Variants in UBA2 observed in about 807,000 individuals in gnomAD.
The protein encoded by UBA2 is SUMO-activating enzyme subunit 2.
In UBA2, 11 loss-of-function variants were observed where a neutral mutation model predicts 77.2. The observed-to-expected ratio is 0.14, with a 90% CI of 0.09 to 0.24. The LOEUF is 0.24. Ranked by LOEUF, UBA2 falls within the 10% of genes least tolerant of loss-of-function variation. The pLI, the probability that UBA2 is intolerant of heterozygous loss-of-function variation, is 1.00. For synonymous variants in UBA2, 278 were observed against 276.7 expected (o/e 1.00, Z -0.05); for missense variants, 487 against 781.7 (o/e 0.62, Z 4.50).
At chr19:34,449,772 T>C (rs1246967268) in intron 8 of UBA2, among the ~76,000 whole-genome samples, 1 of 152,194 alleles carries the variant, frequency 6.6e-6, no homozygotes, top group African/African-American at 2.4e-5. Context: ...ATTTTAAAGA[T>C]ATCGCAGTTC....
chr19:34,460,810 T>C (rs2075622860), intron 14 of UBA2, among the ~76,000 whole-genome samples: 1 of 152,196 alleles, frequency 6.6e-6, no homozygotes, highest in East Asian at 1.9e-4. Context: ...TCCTTGCCGA[T>C]ATCATGGATC....
At chr19:34,452,661 T>C (rs747394011) in intron 10 of UBA2, among the ~76,000 whole-genome samples, 36 of 152,230 alleles carry the variant, frequency 2.4e-4, no homozygotes, top group Non-Finnish European at 4.1e-4. Flanking sequence ...TGAGATTTGA[T>C]ATTATGAACT....
Position 34,452,067 on chromosome 19 carries a change from C to T in UBA2, c.958C>T (p.Arg320Cys), listed in dbSNP as rs1176664885. ...QQVLDVKSYA[R>C]LFSKSIETLR... is the part of the protein sequence containing the mutation. ...GGTTCTAGATGTAAAGAGCTATGCA[C>T]GTCTTTTTTCAAAGAGCATCGAGAC... Residue 320 changes from arginine (R) to cysteine (C), a missense_variant, in exon 10 of 17, where the codon CGT becomes TGT. Transcript: ENST00000246548. 8.1e-6 allele frequency: 13 copies of T among 1,610,744 alleles called. No individual in the cohort carries two copies. The highest frequency in any genetic ancestry group is 4.5e-5 in the East Asian group (2 of 44,826).
chr19:34,469,172 C>T lies in UBA2; in HGVS notation c.1874C>T (p.Ser625Leu). The T allele has an allele frequency of 4.3e-6, 7 of 1,612,870 alleles. No homozygotes were observed. The highest frequency in any genetic ancestry group is 5.9e-6 in the Non-Finnish European group (7 of 1,179,642). The stretch of plus-strand genomic sequence containing the variant: ...AAAGAGAATCTCAGTGCAAAGAGGT[C>T]ACGTATAGAACAGAAGGAAGAGCTT... ...DEKENLSAKR[S>L]RIEQKEELDD... Residue 625 changes from serine to leucine, a missense_variant, in exon 17 of 17, where the codon TCA becomes TTA. By Grantham distance (145) the Ser-to-Leu change is moderately radical. Around this residue, in one of 9 missense-constraint regions of UBA2, gnomAD observed 12 missense variants for 35.3 expected, o/e 0.34. Transcript: ENST00000246548.
intron 14 of UBA2, among the ~76,000 whole-genome samples, chr19:34,461,049 G>C (rs1189420285): frequency 6.6e-6 from 1 of 152,136 alleles, no homozygotes; most frequent in Non-Finnish European, 1.5e-5. Context: ...GCTATACAAG[G>C]TACAATACAT....
chr19:34,434,737 T>C, intron 4 of UBA2, 131 bp from the exon 5 acceptor site: 1 of 661,230 alleles, frequency 1.5e-6, no homozygotes, highest in Non-Finnish European at 2.7e-6. Flanking sequence ...AGTTGTATTA[T>C]TCTGGCCATA....
At chr19:34,434,745 A>T in intron 4 of UBA2, 123 bp from the exon 5 acceptor site, 1 of 702,840 alleles carries the variant, frequency 1.4e-6, no homozygotes, top group Non-Finnish European at 2.5e-6. Flanking sequence ...TATTCTGGCC[A>T]TAGCTATAAG....
chr19:34,428,463 C>G lies in UBA2; in HGVS notation c.31C>G (p.Leu11Val), dbSNP rs979110681. 3.1e-6 allele frequency: 4 copies of G among 1,286,482 alleles called. No homozygotes were observed. The highest frequency in any genetic ancestry group is 4.0e-6 in the Non-Finnish European group (4 of 1,012,072). The allele number at this position is 1,286,482 out of a possible 1,614,324, so 79.7% of individuals were successfully genotyped here. The change falls in exon 1 of 17, where the codon CTG becomes GTG. Residue 11 changes from leucine (L) to valine (V), a missense_variant. Physicochemically the swap from Leu to Val is conservative, Grantham distance 32. This residue lies in a region of UBA2 where 30 missense variants were observed against 27.4 expected (regional missense o/e 1.09). Transcript: ENST00000246548. ...ACTGTCGCGGGGGCTGCCCCGGGAG[C>G]TGGCTGAGGCGGTGGCCGGGGGCCG... MALSRGLPRE[L>V]AEAVAGGRVL... is the part of the protein sequence containing the mutation.
At chr19:34,465,905 CGT>C (rs1434277437) in intron 15 of UBA2, among the ~76,000 whole-genome samples, 1 of 152,090 alleles carries the variant, frequency 6.6e-6, no homozygotes, top group East Asian at 1.9e-4. Flanking sequence ...CCCCTTAAAA[CGT>C]GTGTCTTTTG....
intron 6 of UBA2, among the ~76,000 whole-genome samples, chr19:34,440,786 CATG>C (rs1245206475): frequency 6.6e-6 from 1 of 151,950 alleles, no homozygotes; most frequent in Non-Finnish European, 1.5e-5. Flanking sequence ...ATTAGCCGGA[CATG>C]GTGGTGGGCG....
In UBA2 at chr19:34,466,921, G is replaced by T; in HGVS notation, c.1648G>T (p.Ala550Ser). ...KDVEFEVVGDAPEKVGPKQAE... is the reference protein window; with the variant it reads ...KDVEFEVVGDSPEKVGPKQAE... The stretch of plus-strand genomic sequence containing the variant: ...CGTTGAATTTGAAGTTGTTGGTGAT[G>T]CCCCGGAAAAAGTGGGGCCCAAACA... Residue 550 changes from alanine (A) to serine (S), a missense_variant, in exon 16 of 17, where the codon GCC becomes TCC. By Grantham distance (99) the Ala-to-Ser change is moderately conservative. Coordinates refer to ENST00000246548, the MANE Select transcript of UBA2 (RefSeq NM_005499.3). The T allele has an allele frequency of 6.2e-7, 1 of 1,613,772 alleles. No individual in the cohort carries two copies. Among genetic ancestry groups the T allele is most frequent in the Admixed American group, 1.7e-5 (1 of 60,002 alleles).
In UBA2 at chr19:34,437,581, A is replaced by C. The variant is rs541930236; in HGVS notation, c.460-1064A>C. On this transcript the variant is annotated intron_variant, in intron 5 of 16. Coordinates refer to ENST00000246548, the MANE Select transcript of UBA2 (RefSeq NM_005499.3). Reference sequence around the variant, plus strand: ...GCCTAGATCACGCCATTGCACTCCAACCTGGGCAACGAGCGAAATTCCGTC... The same window carrying C: ...GCCTAGATCACGCCATTGCACTCCACCCTGGGCAACGAGCGAAATTCCGTC... Among the ~76,000 whole-genome samples, 184 of 152,066 alleles carry C rather than the reference A, an allele frequency of 1.2e-3. 1 individual carries two copies. The highest frequency in any genetic ancestry group is 4.2e-3 in the African/African-American group (175 of 41,542).
intron 9 of UBA2, among the ~76,000 whole-genome samples, chr19:34,451,647 G>A (rs996476426): frequency 7.0e-5 from 10 of 142,508 alleles, no homozygotes; most frequent in Non-Finnish European, 1.4e-4. Flanking sequence ...TCCCGGGTTC[G>A]CGCCATTCTC....
chr19:34,454,181 G>C, intron 10 of UBA2, 79 bp from the exon 11 acceptor site: 1 of 1,253,128 alleles, frequency 8.0e-7, no homozygotes, highest in East Asian at 2.3e-5. Context: ...ATAAACACGT[G>C]AAAGTATTGT....
At position 34,469,399 on chromosome 19, in the gene UBA2, G is replaced by T. The variant is rs918687457; in HGVS notation, c.*178G>T. ...TAGACACATTGCAGTATGCTGTATT[G>T]AAAGTAGGAATATAGTTTTAAAAAC... On this transcript the variant is annotated 3_prime_UTR_variant, in exon 17 of 17. Coordinates refer to ENST00000246548, the MANE Select transcript of UBA2 (RefSeq NM_005499.3). 6.5e-5 allele frequency: 28 copies of T among 430,290 alleles called. No individual in the cohort carries two copies. Among genetic ancestry groups the T allele is most frequent in the Non-Finnish European group, 1.1e-4 (28 of 258,186 alleles). The allele number at this position is 430,290 out of a possible 1,614,324, so 26.7% of individuals were successfully genotyped here.
rs2081062 is a variant in UBA2 at position 34,434,489 on chromosome 19, T to G, written c.359-379T>G. Among the ~76,000 whole-genome samples the G allele has an allele frequency of 3.4e-3, 512 of 152,334 alleles. 6 individuals are homozygous for G. The highest frequency in any genetic ancestry group is 0.012 in the African/African-American group (488 of 41,576). ...TACTTTAATAGTTCCAAGTTGATAT[T>G]CCACATTCTGCCTTCATTTCTATCA... On this transcript the variant is annotated intron_variant, in intron 4 of 16. Transcript: ENST00000246548.
At chr19:34,442,403 C>CA (rs1228940217) in intron 6 of UBA2, among the ~76,000 whole-genome samples, 1 of 152,146 alleles carries the variant, frequency 6.6e-6, no homozygotes, top group Non-Finnish European at 1.5e-5. Flanking sequence ...CCGATAAACT[C>CA]ATCATAAATA....
At position 34,428,581 on chromosome 19, in the gene UBA2, G is replaced by GGC. The variant is rs757441495; in HGVS notation, c.138+21_138+22dup. 5.4e-5 allele frequency: 70 copies of GGC among 1,307,224 alleles called. No individual in the cohort carries two copies. The highest frequency in any genetic ancestry group is 4.1e-4 in the Middle Eastern group (2 of 4,910). 81.0% of individuals were successfully genotyped at this position (1,307,224 alleles called of 1,614,324 possible). On this transcript the variant is annotated intron_variant, in intron 1 of 16. Transcript: ENST00000246548. ...TCCCACATCGACCTGGTGAGGGCCG[G>GGC]GCGCGCGCGCGTGAATGGCGGGCTG...
chr19:34,456,100 C>CTTTTCTTTTTTTTTTTTTT (rs2075557152), intron 12 of UBA2, among the ~76,000 whole-genome samples: 3 of 55,782 alleles, frequency 5.4e-5, no homozygotes, highest in South Asian at 7.6e-4. Context: ...TTTTCCTTTT[C>CTTTTCTTTTTTTTTTTTTT]TTTTTCTTTT....
Sources: allele counts gnomAD v4.1 joint callset (sites outside exome capture counted in the v4.1 genomes callset), GRCh38; gene constraint gnomAD v4.1.1; regional missense constraint gnomAD v4.1.1; transcripts MANE v1.5; gene names NCBI Gene and HGNC (gene_info 2026-07-23, HGNC 2026-07-21).